ATXN7L1: variants seen among roughly 807,000 people sequenced by gnomAD.
The protein encoded by ATXN7L1 is ataxin 7 like 1, also known as ataxin-7-like protein 1.
ATXN7L1 carries 15 observed loss-of-function variants against 70.8 expected under a neutral mutation model. The observed-to-expected ratio is 0.21, with a 90% CI of 0.14 to 0.33. The LOEUF is 0.33. ATXN7L1 is among the 10% of genes least tolerant of loss of function. The probability of loss-of-function intolerance (pLI) is 1.00; values close to 1 mark genes in which losing one functional copy is unlikely to be tolerated. For synonymous variants in ATXN7L1, 440 were observed against 445.1 expected, an observed-to-expected ratio of 0.99 and a Z score of 0.14; for missense variants, 975 against 1,097.1, an observed-to-expected ratio of 0.89 and a Z score of 1.57.
intron 3 of ATXN7L1, among the ~76,000 whole-genome samples, chr7:105,671,465 GA>G (rs1248164934): frequency 6.6e-6 from 1 of 151,924 alleles, no homozygotes; most frequent in Non-Finnish European, 1.5e-5. Flanking sequence ...CCTACTTTAG[GA>G]AAAACAGAAA....
At chr7:105,861,943 T>C (rs1047023370) in intron 2 of ATXN7L1, among the ~76,000 whole-genome samples, 10 of 152,212 alleles carry the variant, frequency 6.6e-5, no homozygotes, top group African/African-American at 2.4e-4. Flanking sequence ...TTAAGTCTTT[T>C]GTCTCAGCCA....
chr7:105,726,603 G>A lies in ATXN7L1; in HGVS notation c.356-61315C>T, dbSNP rs113710664. 4.9e-3 allele frequency among the ~76,000 whole-genome samples: 751 copies of A among 152,290 alleles called. 5 individuals carry two copies. The highest frequency in any genetic ancestry group is 0.016 in the African/African-American group (684 of 41,550). On this transcript the variant is annotated intron_variant, in intron 3 of 11. Transcript: ENST00000419735. ...GCAAATGACAGGTGAGAAATACAGC[G>A]TTGACCTCTGCAGATGCATTTTGGG...
intron 3 of ATXN7L1, among the ~76,000 whole-genome samples, chr7:105,683,310 A>G (rs1805769587): frequency 1.3e-5 from 2 of 152,188 alleles, no homozygotes; most frequent in African/African-American, 4.8e-5. Flanking sequence ...GATACTGAAG[A>G]TAGACTGGTT....
chr7:105,693,866 G>A (rs901781267), intron 3 of ATXN7L1, among the ~76,000 whole-genome samples: 6 of 152,106 alleles, frequency 3.9e-5, no homozygotes, highest in African/African-American at 1.4e-4. Flanking sequence ...GAGCCACCCT[G>A]GAGTGAAATG....
At chr7:105,727,434 C>T (rs907556292) in intron 3 of ATXN7L1, among the ~76,000 whole-genome samples, 11 of 151,690 alleles carry the variant, frequency 7.3e-5, no homozygotes, top group South Asian at 4.2e-4. Context: ...TTTGGGAGGC[C>T]GAGGCGCGTG....
chr7:105,656,714 G>A (rs986670484), intron 4 of ATXN7L1, among the ~76,000 whole-genome samples: 2 of 151,838 alleles, frequency 1.3e-5, no homozygotes, highest in African/African-American at 4.8e-5. Context: ...GGGATTACAG[G>A]TGCCCGCCAC....
At chr7:105,756,084 C>T (rs74350380) in intron 3 of ATXN7L1, among the ~76,000 whole-genome samples, 2 of 152,244 alleles carry the variant, frequency 1.3e-5, no homozygotes, top group East Asian at 3.9e-4. Context: ...TTTTTGCATG[C>T]CTTTTAAACT....
intron 3 of ATXN7L1, among the ~76,000 whole-genome samples, chr7:105,763,103 A>G (rs1800759086): frequency 2.0e-5 from 3 of 152,236 alleles, no homozygotes; most frequent in South Asian, 4.1e-4. Context: ...ACTGTGCAAG[A>G]CAACACAGAT....
intron 2 of ATXN7L1, among the ~76,000 whole-genome samples, chr7:105,832,955 T>C (rs529692954): frequency 2.0e-5 from 3 of 152,292 alleles, no homozygotes; most frequent in Admixed American, 2.0e-4. Context: ...ACTTCCGTGC[T>C]TCTACCTTTA....
chr7:105,712,052 C>T (rs924211230), intron 3 of ATXN7L1, among the ~76,000 whole-genome samples: 2 of 152,210 alleles, frequency 1.3e-5, no homozygotes, highest in Non-Finnish European at 2.9e-5. Flanking sequence ...AGGTTTGGGG[C>T]TTGCACCCTT....
chr7:105,862,852 C>T (rs147972889), intron 2 of ATXN7L1, among the ~76,000 whole-genome samples: 74 of 152,298 alleles, frequency 4.9e-4, no homozygotes, highest in African/African-American at 1.5e-3. Context: ...GCCCTGTCCT[C>T]ATGTGGGAGA....
chr7:105,874,205 G>A (rs1563162855), intron 2 of ATXN7L1, among the ~76,000 whole-genome samples: 1 of 152,060 alleles, frequency 6.6e-6, no homozygotes, highest in East Asian at 1.9e-4. Context: ...TAGAAACAGG[G>A]ACTGGGGGGA....
chr7:105,810,990 C>A (rs1330954863), intron 2 of ATXN7L1, among the ~76,000 whole-genome samples: 1 of 152,142 alleles, frequency 6.6e-6, no homozygotes, highest in African/African-American at 2.4e-5. Flanking sequence ...TCCAAAGCAA[C>A]TGGAAGAATG....
At chr7:105,853,319 C>A (rs1276456723) in intron 2 of ATXN7L1, among the ~76,000 whole-genome samples, 1 of 152,218 alleles carries the variant, frequency 6.6e-6, no homozygotes, top group Non-Finnish European at 1.5e-5. Flanking sequence ...GAGGCCGAGG[C>A]GTGTAGATCA....
chr7:105,796,597 AAC>A (rs563571776), intron 2 of ATXN7L1, among the ~76,000 whole-genome samples: 1 of 152,298 alleles, frequency 6.6e-6, no homozygotes. Flanking sequence ...GAAGAACAGC[AAC>A]TGTAGTTCAA....
At chr7:105,662,140 T>G (rs959599768) in intron 4 of ATXN7L1, among the ~76,000 whole-genome samples, 2 of 150,000 alleles carry the variant, frequency 1.3e-5, no homozygotes, top group African/African-American at 4.9e-5. Context: ...TCTTGCCCTG[T>G]TGCCCAGCCT....
At chr7:105,871,709 T>TG (rs1263255383) in intron 2 of ATXN7L1, among the ~76,000 whole-genome samples, 1 of 106,396 alleles carries the variant, frequency 9.4e-6, no homozygotes, top group Non-Finnish European at 1.8e-5. Context: ...AGATTCTGTC[T>TG]CAAAAAAAAA....
Position 105,875,939 on chromosome 7 carries a change from A to C in ATXN7L1, c.182-59T>G, listed in dbSNP as rs376752508. On this transcript the variant is annotated intron_variant, in intron 1 of 11. Coordinates refer to ENST00000419735, the MANE Select transcript of ATXN7L1 (RefSeq NM_020725.2). ...AAGGAAAAAAGGGGGGAAAAAAGCC[A>C]AAGTCAAGGGGGGAGGGAGAGTGTT... 1.1e-4 allele frequency: 154 copies of C among 1,450,084 alleles called. No individual in the cohort carries two copies. The East Asian group carries it at 2.2e-3, about 21-fold the overall frequency. The allele number at this position is 1,450,084 out of a possible 1,614,324, so 89.8% of individuals were successfully genotyped here.
At chr7:105,825,464 A>G (rs930240224) in intron 2 of ATXN7L1, among the ~76,000 whole-genome samples, 3 of 151,806 alleles carry the variant, frequency 2.0e-5, no homozygotes, top group Non-Finnish European at 2.9e-5. Flanking sequence ...GATATACCCA[A>G]TCTAGTGGCC....
Sources: allele counts gnomAD v4.1 joint callset (sites outside exome capture counted in the v4.1 genomes callset), GRCh38; gene constraint gnomAD v4.1.1; transcripts MANE v1.5; gene names NCBI Gene and HGNC (gene_info 2026-07-23, HGNC 2026-07-21).